Variants in CNMD observed in about 807,000 individuals in gnomAD.
The protein encoded by CNMD is leukocyte cell-derived chemotaxin 1.
A neutral mutation model predicts 37.5 loss-of-function variants in CNMD; 30 were observed. The ratio of observed to expected loss-of-function variants is 0.80; its 90% confidence interval spans 0.60 to 1.09. CNMD has a LOEUF of 1.09. Among genes scored for constraint, CNMD ranks in the 50% least tolerant of loss-of-function variants. The probability of loss-of-function intolerance (pLI) is 0.00; values close to 1 mark genes in which losing one functional copy is unlikely to be tolerated. For synonymous variants in CNMD, 167 were observed against 148.2 expected (o/e 1.13, Z -0.92); for missense variants, 398 against 423.9 (o/e 0.94, Z 0.54).
At chr13:52,712,941 T>A in intron 4 of CNMD, 72 bp from the exon 5 acceptor site, 1 of 1,216,642 alleles carries the variant, frequency 8.2e-7, no homozygotes, top group Non-Finnish European at 1.1e-6. Flanking sequence ...CATGTGTTGC[T>A]AAAAGGTTAT....
chr13:52,719,478 C>T (rs1478104687), intron 4 of CNMD, among the ~76,000 whole-genome samples: 3 of 152,130 alleles, frequency 2.0e-5, no homozygotes, highest in Admixed American at 6.6e-5. Flanking sequence ...TTTTTCTTTT[C>T]CATATTTAGT....
intron 5 of CNMD, 70 bp from the exon 6 acceptor site, chr13:52,708,772 G>A: frequency 2.4e-6 from 3 of 1,272,002 alleles, no homozygotes; most frequent in Middle Eastern, 3.9e-4. Flanking sequence ...GTTTATCAGG[G>A]TGAAAAACAT....
chr13:52,715,421 A>G (rs1467247404), intron 4 of CNMD, among the ~76,000 whole-genome samples: 1 of 152,152 alleles, frequency 6.6e-6, no homozygotes, highest in African/African-American at 2.4e-5. Flanking sequence ...TTACATAGGT[A>G]TACACATGCC....
At chr13:52,710,560 G>A (rs73490271) in intron 5 of CNMD, among the ~76,000 whole-genome samples, 3,279 of 152,302 alleles carry the variant, frequency 0.022, 129 homozygotes, top group African/African-American at 0.076. Context: ...GGCATGGGCC[G>A]CTGGACCCTG....
chr13:52,728,809 C>T (rs995691793), intron 3 of CNMD, among the ~76,000 whole-genome samples: 4 of 151,988 alleles, frequency 2.6e-5, no homozygotes, highest in African/African-American at 9.7e-5. Flanking sequence ...TTCTGACAGT[C>T]GACACACCGC....
chr13:52,728,036 A>G (rs1332983362), intron 3 of CNMD, among the ~76,000 whole-genome samples: 1 of 152,148 alleles, frequency 6.6e-6, no homozygotes, highest in Non-Finnish European at 1.5e-5. Context: ...GTAACAAAAT[A>G]TCACATATAT....
intron 4 of CNMD, among the ~76,000 whole-genome samples, chr13:52,721,092 T>TA (rs1164160310): frequency 1.3e-5 from 2 of 152,194 alleles, no homozygotes; most frequent in East Asian, 3.9e-4. Flanking sequence ...CGGCTTTGTT[T>TA]ACACTGTGAG....
intron 3 of CNMD, among the ~76,000 whole-genome samples, chr13:52,730,070 G>T (rs1421242882): frequency 2.7e-5 from 4 of 150,798 alleles, no homozygotes; most frequent in Non-Finnish European, 4.4e-5. Flanking sequence ...AGAACATGCG[G>T]TGTTTGCTTT....
At chr13:52,720,695 C>G (rs1964467900) in intron 4 of CNMD, among the ~76,000 whole-genome samples, 1 of 152,114 alleles carries the variant, frequency 6.6e-6, no homozygotes, top group African/African-American at 2.4e-5. Flanking sequence ...CAGAGGGGCA[C>G]CCATCAGATG....
chr13:52,712,214 C>T (rs114088201), intron 5 of CNMD, among the ~76,000 whole-genome samples: 1 of 152,142 alleles, frequency 6.6e-6, no homozygotes, highest in African/African-American at 2.4e-5. Context: ...GGAGTCTGCA[C>T]TTACTTTCAC....
chr13:52,737,235 G>A (rs56153196), intron 2 of CNMD, among the ~76,000 whole-genome samples: 3,648 of 152,238 alleles, frequency 0.024, 164 homozygotes, highest in African/African-American at 0.085. Flanking sequence ...CTGTGCATGT[G>A]CTATGCCTAG....
Position 52,733,205 on chromosome 13 carries a change from T to C in CNMD, c.354+14A>G, listed in dbSNP as rs116307025. 6 of 1,613,890 alleles carry C rather than the reference T, an allele frequency of 3.7e-6. No individual in the cohort carries two copies. In the South Asian group the frequency reaches 6.6e-5, roughly 18 times the overall value. On this transcript the variant is annotated intron_variant, in intron 3 of 6. Coordinates refer to ENST00000377962, the MANE Select transcript of CNMD (RefSeq NM_007015.3). ...TGCCTGGTTAAATTCTCTAAATGCA[T>C]GAAATATACTTACATTCTGGAAATC...
intron 2 of CNMD, among the ~76,000 whole-genome samples, chr13:52,738,738 G>C (rs914113336): frequency 2.2e-4 from 34 of 152,150 alleles, no homozygotes; most frequent in Admixed American, 6.5e-5. Context: ...CCTTCCCCAC[G>C]GTCGCGCCAC....
At position 52,712,736 on chromosome 13, in the gene CNMD, A is replaced by G; in HGVS notation, c.602T>C (p.Leu201Pro). 3 of 1,529,876 alleles carry G rather than the reference A, an allele frequency of 2.0e-6. No individual in the cohort carries two copies. Among genetic ancestry groups the G allele is most frequent in the South Asian group, 1.3e-5 (1 of 74,370 alleles). 94.8% of individuals were successfully genotyped at this position (1,529,876 alleles called of 1,614,324 possible). A position where few individuals can be genotyped will look rare whatever the true frequency, so the allele number is the denominator to read the frequency against. Residue 201 changes from leucine to proline, a missense_variant, in exon 5 of 7, where the codon CTT becomes CCT. By Grantham distance (98) the Leu-to-Pro change is moderately conservative. Coordinates refer to ENST00000377962, the MANE Select transcript of CNMD (RefSeq NM_007015.3). Reference protein sequence around the residue: ...ELCGDLPIFWLKPTYPKEIQR... With the variant: ...ELCGDLPIFWPKPTYPKEIQR... ...GTTACCTTTTGGATAGGTTGGTTTA[A>G]GCCAGAAAATAGGAAGGTCACCGCA...
chr13:52,736,095 A>G (rs1244650374), intron 2 of CNMD, among the ~76,000 whole-genome samples: 16 of 144,930 alleles, frequency 1.1e-4, no homozygotes, highest in Admixed American at 7.5e-4. Flanking sequence ...CTGGGTTCAC[A>G]CCATTCTCCT....
Position 52,719,307 on chromosome 13 carries a change from C to T in CNMD, c.468+4690G>A, listed in dbSNP as rs555109110. On this transcript the variant is annotated intron_variant, in intron 4 of 6. Coordinates refer to ENST00000377962, the MANE Select transcript of CNMD (RefSeq NM_007015.3). Reference sequence around the variant, plus strand: ...TTTGCCTGTCTGTGTCTTTTAATTGCGGGATTTAGCCCATTTACATTTAAG... The same window carrying T: ...TTTGCCTGTCTGTGTCTTTTAATTGTGGGATTTAGCCCATTTACATTTAAG... Among the ~76,000 whole-genome samples, 19 of 151,896 alleles carry T rather than the reference C, an allele frequency of 1.3e-4. No homozygotes were observed. The South Asian group carries it at 2.1e-3, about 17-fold the overall frequency.
At chr13:52,736,381 G>A (rs191058161) in intron 2 of CNMD, among the ~76,000 whole-genome samples, 1 of 152,250 alleles carries the variant, frequency 6.6e-6, no homozygotes, top group African/African-American at 2.4e-5. Context: ...CTCCTGCCTT[G>A]GCCTCCCAAA....
intron 6 of CNMD, among the ~76,000 whole-genome samples, chr13:52,705,317 A>G (rs1182666789): frequency 6.6e-6 from 1 of 152,204 alleles, no homozygotes; most frequent in Non-Finnish European, 1.5e-5. Context: ...TGTGCCCCCC[A>G]AAATAAGGAT....
intron 4 of CNMD, among the ~76,000 whole-genome samples, chr13:52,718,959 C>CT (rs1390981846): frequency 5.9e-5 from 9 of 152,120 alleles, no homozygotes; most frequent in Admixed American, 4.6e-4. Flanking sequence ...ATGTGGGAGT[C>CT]TAAGTCTCTT....
Sources: allele counts gnomAD v4.1 joint callset (sites outside exome capture counted in the v4.1 genomes callset), GRCh38; gene constraint gnomAD v4.1.1; transcripts MANE v1.5; gene names NCBI Gene and HGNC (gene_info 2026-07-23, HGNC 2026-07-21).